Variants in ASTN2 observed in about 807,000 individuals in gnomAD.
ASTN2 encodes astrotactin-2.
ASTN2 carries 54 observed loss-of-function variants against 139.8 expected under a neutral mutation model. The ratio of observed to expected loss-of-function variants is 0.39; its 90% CI spans 0.31 to 0.48. The LOEUF (loss-of-function observed/expected upper bound fraction) is 0.48. ASTN2 is among the 20% of genes least tolerant of loss of function. ASTN2 has a pLI of 0.95. For missense variants in ASTN2, 1,565 were observed against 1,725.1 expected, an observed-to-expected ratio of 0.91 and a Z score of 1.64; for synonymous variants, 756 against 719.5, an observed-to-expected ratio of 1.05 and a Z score of -0.81.
intron 1 of ASTN2, among the ~76,000 whole-genome samples, chr9:117,292,658 G>C (rs1419056908): frequency 6.6e-6 from 1 of 152,000 alleles, no homozygotes; most frequent in Non-Finnish European, 1.5e-5. Flanking sequence ...CTATGACCTT[G>C]AGGCAGTATT....
At chr9:117,224,554 G>A (rs1832639818) in intron 2 of ASTN2, among the ~76,000 whole-genome samples, 1 of 152,118 alleles carries the variant, frequency 6.6e-6, no homozygotes, top group South Asian at 2.1e-4. Context: ...GGGATTGGAT[G>A]GTTTCTGACA....
chr9:116,430,992 TGGAGATAGGACTCAGACCCACTGGGATAG>T (rs1159205230), intron 22 of ASTN2, among the ~76,000 whole-genome samples: 1 of 152,200 alleles, frequency 6.6e-6, no homozygotes, highest in Non-Finnish European at 1.5e-5. Flanking sequence ...TCTTCCTCAT[TGGAGATAGGACTCAGACCCACTGGGATAG>T]GAAGCAAGAG....
Position 117,019,264 on chromosome 9 carries a change from C to T in ASTN2, c.1424-11005G>A, listed in dbSNP as rs1034952645. 4.6e-5 allele frequency among the ~76,000 whole-genome samples: 7 copies of T among 151,946 alleles called. No homozygotes were observed. In the East Asian group the frequency reaches 5.8e-4, roughly 13 times the overall value. ...ATATCTCCAAAGACATGTAATACATCGTCATGACATTTTCAGGAGATATTT... is the reference window on the plus strand; with the variant it reads ...ATATCTCCAAAGACATGTAATACATTGTCATGACATTTTCAGGAGATATTT... On this transcript the variant is annotated intron_variant, in intron 6 of 22. Transcript: ENST00000313400.
chr9:117,252,548 T>G (rs1833567505), intron 2 of ASTN2, among the ~76,000 whole-genome samples: 1 of 152,132 alleles, frequency 6.6e-6, no homozygotes. Flanking sequence ...GCCCAGTGTC[T>G]CCCAACTATG....
chr9:117,134,289 TATATATACACACACACACACACAC>T (rs1337907546), intron 4 of ASTN2, among the ~76,000 whole-genome samples: 1 of 81,408 alleles, frequency 1.2e-5, no homozygotes, highest in African/African-American at 4.9e-5. Flanking sequence ...TATATATATA[TATATATACACACACACACACACAC>T]ACACACACAC....
In ASTN2 at chr9:116,882,291, C is replaced by A. The variant is rs1191088543; in HGVS notation, c.1890-18558G>T. Among the ~76,000 whole-genome samples the A allele has an allele frequency of 2.0e-5, 3 of 152,112 alleles. No individual in the cohort carries two copies. In the East Asian group the frequency reaches 5.8e-4, roughly 29 times the overall value. ...GCTCAGAAAGGGAAGAGGTTACTTCCAGTTTGAGTTCAAGAGAGTGAGTGA... is the reference window on the plus strand; with the variant it reads ...GCTCAGAAAGGGAAGAGGTTACTTCAAGTTTGAGTTCAAGAGAGTGAGTGA... On this transcript the variant is annotated intron_variant, in intron 10 of 22. Transcript: ENST00000313400.
intron 11 of ASTN2, among the ~76,000 whole-genome samples, chr9:116,841,490 T>C (rs956364433): frequency 6.6e-6 from 1 of 152,140 alleles, no homozygotes; most frequent in African/African-American, 2.4e-5. Context: ...ATCCTCCATC[T>C]CAGCCTCCCA....
intron 5 of ASTN2, among the ~76,000 whole-genome samples, chr9:117,093,239 TAG>T (rs1587954951): frequency 6.6e-6 from 1 of 152,280 alleles, no homozygotes; most frequent in East Asian, 1.9e-4. Flanking sequence ...CCTGTCCCCA[TAG>T]TAAATCCAAT....
chr9:117,012,272 G>A (rs529734391), intron 6 of ASTN2, among the ~76,000 whole-genome samples: 2 of 152,130 alleles, frequency 1.3e-5, no homozygotes, highest in African/African-American at 2.4e-5. Context: ...ACTAAATGTC[G>A]AACATCACTA....
chr9:116,481,547 C>T (rs996153158), intron 20 of ASTN2, among the ~76,000 whole-genome samples: 2 of 152,142 alleles, frequency 1.3e-5, no homozygotes, highest in East Asian at 1.9e-4. Context: ...AAGTCTATTG[C>T]CTTTCCTGTT....
intron 3 of ASTN2, chr9:117,196,989 G>C (rs2132981042): frequency 6.6e-6 from 1 of 152,238 alleles, no homozygotes; most frequent in Middle Eastern, 3.4e-3. Context: ...TTCTGATGCT[G>C]TGATTCTGAT....
intron 19 of ASTN2, among the ~76,000 whole-genome samples, chr9:116,509,757 T>C (rs974559573): frequency 6.6e-6 from 1 of 152,198 alleles, no homozygotes; most frequent in Non-Finnish European, 1.5e-5. Flanking sequence ...CTCTGATGGC[T>C]AGTGATGATG....
At chr9:117,271,660 G>T (rs892024328) in intron 2 of ASTN2, among the ~76,000 whole-genome samples, 1 of 152,138 alleles carries the variant, frequency 6.6e-6, no homozygotes, top group South Asian at 2.1e-4. Context: ...GGGTAAACAC[G>T]GCTGTTCCAA....
At chr9:116,493,954 C>T (rs1187351346) in intron 19 of ASTN2, among the ~76,000 whole-genome samples, 3 of 152,074 alleles carry the variant, frequency 2.0e-5, no homozygotes, top group African/African-American at 7.2e-5. Flanking sequence ...TGTCATGGTG[C>T]CCAGGGAGAA....
intron 13 of ASTN2, among the ~76,000 whole-genome samples, chr9:116,796,989 C>CTT (rs71300675): frequency 2.5e-4 from 36 of 145,530 alleles, no homozygotes; most frequent in Non-Finnish European, 3.2e-4. Flanking sequence ...CTTAATTTTT[C>CTT]TTTTTTTTTT....
At position 116,761,674 on chromosome 9, in the gene ASTN2, C is replaced by G. The variant is rs184451508; in HGVS notation, c.2397-28151G>C. Among the ~76,000 whole-genome samples the G allele has an allele frequency of 2.0e-3, 301 of 152,142 alleles. 5 individuals are homozygous for G. Among genetic ancestry groups the G allele is most frequent in the Non-Finnish European group, 4.6e-4 (31 of 68,004 alleles). ...TAGCAGGTAAGACAAGGGGTGGGAA[C>G]AGTGACGGGAGACACTTGAGAGATG... On this transcript the variant is annotated intron_variant, in intron 13 of 22. Transcript: ENST00000313400.
chr9:116,943,563 C>CA (rs1165965240), intron 10 of ASTN2, among the ~76,000 whole-genome samples: 1 of 151,888 alleles, frequency 6.6e-6, no homozygotes, highest in African/African-American at 2.4e-5. Context: ...ATTATATCTC[C>CA]AAAAAAAGCT....
intron 7 of ASTN2, among the ~76,000 whole-genome samples, chr9:116,999,003 T>C (rs1213120895): frequency 6.6e-6 from 1 of 152,204 alleles, no homozygotes; most frequent in African/African-American, 2.4e-5. Context: ...AAGATTGCTA[T>C]ATGACATAAC....
intron 3 of ASTN2, among the ~76,000 whole-genome samples, chr9:117,212,081 A>C (rs531098359): frequency 1.3e-5 from 2 of 152,318 alleles, no homozygotes; most frequent in Admixed American, 6.5e-5. Context: ...TACATAGATG[A>C]ATGTAACAGA....
Sources: gnomAD v4.1 joint callset for allele counts (sites outside exome capture counted in the v4.1 genomes callset) on GRCh38, gnomAD v4.1.1 for gene constraint, MANE v1.5 for transcripts, NCBI Gene and HGNC (gene_info 2026-07-23, HGNC 2026-07-21) for gene names.